The following ROR1 variants were observed in gnomAD, a reference collection of about 807,000 sequenced individuals.
ROR1 encodes ROR family WNT receptor 1.
In ROR1, 19 loss-of-function variants were observed where a neutral mutation model predicts 78.8. The observed-to-expected ratio is 0.24, with a 90% CI of 0.17 to 0.35. ROR1 has a LOEUF of 0.35. Among genes scored for constraint, ROR1 ranks in the 10% least tolerant of loss-of-function variants. The pLI is 1.00. For synonymous variants in ROR1, 386 were observed against 433.6 expected (o/e 0.89, Z 1.36); for missense variants, 917 against 1,177.8 (o/e 0.78, Z 3.24).
intron 4 of ROR1, among the ~76,000 whole-genome samples, chr1:64,087,443 G>C (rs1405142946): frequency 1.3e-5 from 2 of 152,222 alleles, no homozygotes; most frequent in African/African-American, 4.8e-5. Context: ...CAAGGCCAGA[G>C]CATGGCCCAG....
chr1:63,844,728 T>C (rs1645070448), intron 1 of ROR1, among the ~76,000 whole-genome samples: 1 of 151,628 alleles, frequency 6.6e-6, no homozygotes, highest in African/African-American at 2.4e-5. Flanking sequence ...GTGCATGTAG[T>C]GAGGAAGCCT....
chr1:63,792,848 G>C (rs901061560), intron 1 of ROR1, among the ~76,000 whole-genome samples: 5 of 152,200 alleles, frequency 3.3e-5, no homozygotes, highest in Non-Finnish European at 5.9e-5. Context: ...GAATTAACTA[G>C]AGTATCCAGT....
intron 1 of ROR1, among the ~76,000 whole-genome samples, chr1:63,838,929 A>T (rs954914382): frequency 2.6e-5 from 4 of 152,244 alleles, no homozygotes; most frequent in African/African-American, 9.6e-5. Flanking sequence ...AGTCGCCTAC[A>T]GTATTCAGTA....
At chr1:64,053,031 A>G (rs1326679613) in intron 4 of ROR1, among the ~76,000 whole-genome samples, 1 of 152,208 alleles carries the variant, frequency 6.6e-6, no homozygotes, top group Non-Finnish European at 1.5e-5. Flanking sequence ...GGGGACAGGC[A>G]GAAGATAACA....
intron 1 of ROR1, among the ~76,000 whole-genome samples, chr1:63,870,403 T>TTG (rs1645244157): frequency 1.3e-5 from 2 of 152,196 alleles, no homozygotes; most frequent in Admixed American, 1.3e-4. Flanking sequence ...CAGGCTTCAT[T>TTG]GTCCAAGGCT....
chr1:63,807,418 A>G (rs1471412837), intron 1 of ROR1, among the ~76,000 whole-genome samples: 2 of 152,158 alleles, frequency 1.3e-5, no homozygotes, highest in African/African-American at 4.8e-5. Flanking sequence ...AGGTGGGTGA[A>G]GGAGGACTCT....
At position 64,076,071 on chromosome 1, in the gene ROR1, A is replaced by T. The variant is rs1482142610; in HGVS notation, c.482+25355A>T. Among the ~76,000 whole-genome samples, 314 of 152,326 alleles carry T rather than the reference A, an allele frequency of 2.1e-3. 2 individuals carry two copies. The highest frequency in any genetic ancestry group is 7.4e-3 in the African/African-American group (308 of 41,558). Reference sequence around the variant, plus strand: ...GTTCTCCTACCCTTCTTGCTGACAGAGGAAGAAGAATCCCACTACCTTTTA... The same window carrying T: ...GTTCTCCTACCCTTCTTGCTGACAGTGGAAGAAGAATCCCACTACCTTTTA... On this transcript the variant is annotated intron_variant, in intron 4 of 8. Transcript: ENST00000371079.
At chr1:63,891,796 A>G (rs1645398730) in intron 1 of ROR1, among the ~76,000 whole-genome samples, 1 of 152,012 alleles carries the variant, frequency 6.6e-6, no homozygotes, top group Non-Finnish European at 1.5e-5. Context: ...GGGCCTTTGG[A>G]CGCTGGGACT....
At chr1:64,141,897 C>G (rs987947513) in intron 6 of ROR1, among the ~76,000 whole-genome samples, 3 of 152,140 alleles carry the variant, frequency 2.0e-5, no homozygotes, top group African/African-American at 7.2e-5. Flanking sequence ...ATCTGCTTCT[C>G]AAGGGTGCCG....
At chr1:63,974,484 G>C (rs75236911) in intron 1 of ROR1, among the ~76,000 whole-genome samples, 3,853 of 152,068 alleles carry the variant, frequency 0.025, 167 homozygotes, top group African/African-American at 0.088. Context: ...CCCCTGTCAC[G>C]CAGGCTGGAG....
intron 1 of ROR1, among the ~76,000 whole-genome samples, chr1:63,853,614 G>C (rs577194904): frequency 2.0e-5 from 3 of 152,298 alleles, no homozygotes; most frequent in African/African-American, 7.2e-5. Flanking sequence ...AGTAGAGTGA[G>C]AGTCTAGCTT....
intron 4 of ROR1, among the ~76,000 whole-genome samples, chr1:64,118,632 CAAAAAAAAAA>C (rs3084938): frequency 9.1e-5 from 6 of 65,852 alleles, no homozygotes; most frequent in South Asian, 1.4e-3. Flanking sequence ...GACTCCATCT[CAAAAAAAAAA>C]AAAAAAAAAA....
In ROR1 at chr1:63,774,373, C is replaced by A; in HGVS notation, c.-45C>A. 8.3e-7 allele frequency: 1 copy of A among 1,210,918 alleles called. No individual in the cohort carries two copies. The highest frequency in any genetic ancestry group is 1.8e-5 in the South Asian group (1 of 56,412). The allele number at this position is 1,210,918 out of a possible 1,614,324, so 75.0% of individuals were successfully genotyped here. ...GGGAAGAGCCCGTGGATGTTCTGCG[C>A]GCGGCCTGGGAGCCGCCGCCGCCGC... On this transcript the variant is annotated 5_prime_UTR_variant, in exon 1 of 9. Transcript: ENST00000371079. This position sits in a 1 kb window ranked among gnomAD's most constrained non-coding sequence, Gnocchi z 5.7.
chr1:64,037,449 A>G (rs1170172126), intron 2 of ROR1, among the ~76,000 whole-genome samples: 1 of 152,186 alleles, frequency 6.6e-6, no homozygotes, highest in African/African-American at 2.4e-5. Flanking sequence ...AGAATTTGCT[A>G]ACTATGGACT....
At position 63,988,998 on chromosome 1, in the gene ROR1, G is replaced by A. The variant is rs77115740; in HGVS notation, c.92-20307G>A. Among the ~76,000 whole-genome samples, 435 of 152,138 alleles carry A rather than the reference G, an allele frequency of 2.9e-3. 2 individuals are homozygous for A. The highest frequency in any genetic ancestry group is 0.01 in the African/African-American group (421 of 41,500). On this transcript the variant is annotated intron_variant, in intron 1 of 8. Coordinates refer to ENST00000371079, the MANE Select transcript of ROR1 (RefSeq NM_005012.4). ...TTCTTTTGTGTATATATTCCCAAAA[G>A]CAATTCCAGAAGTGGAATTCCTAGA...
chr1:63,803,757 T>G (rs1644810289), intron 1 of ROR1, among the ~76,000 whole-genome samples: 1 of 152,284 alleles, frequency 6.6e-6, no homozygotes, highest in Admixed American at 6.5e-5. Context: ...GGATTGTTCA[T>G]GGCAGCCTTG....
intron 1 of ROR1, among the ~76,000 whole-genome samples, chr1:63,833,783 C>G (rs908651495): frequency 1.3e-5 from 2 of 151,490 alleles, no homozygotes; most frequent in Non-Finnish European, 2.9e-5. Context: ...TGCCTGCTTG[C>G]GTTTTTTTTT....
intron 1 of ROR1, among the ~76,000 whole-genome samples, chr1:63,999,842 A>G (rs1053692230): frequency 6.6e-6 from 1 of 152,174 alleles, no homozygotes; most frequent in African/African-American, 2.4e-5. Context: ...AACACCCAGT[A>G]TAACTTCATT....
intron 4 of ROR1, among the ~76,000 whole-genome samples, chr1:64,131,004 A>G (rs943765368): frequency 1.2e-4 from 18 of 152,204 alleles, no homozygotes; most frequent in Admixed American, 6.5e-5. Flanking sequence ...GATGTTTTCC[A>G]TTTATTCATG....
Sources: allele counts gnomAD v4.1 joint callset (sites outside exome capture counted in the v4.1 genomes callset), GRCh38; gene constraint gnomAD v4.1.1; non-coding constraint Gnocchi (gnomAD v3.1); transcripts MANE v1.5; gene names NCBI Gene and HGNC (gene_info 2026-07-23, HGNC 2026-07-21).